The following ANGPT1 variants were observed in gnomAD, a reference collection of about 807,000 sequenced individuals.
ANGPT1 encodes angiopoietin-1.
ANGPT1 carries 17 observed loss-of-function variants against 62.2 expected under a neutral mutation model. That is an observed-to-expected ratio of 0.27 (90% CI 0.19 to 0.41). The LOEUF (loss-of-function observed/expected upper bound fraction) is 0.41. ANGPT1 is among the 10% of genes least tolerant of loss of function. The probability of loss-of-function intolerance (pLI) is 1.00; values close to 1 mark genes in which losing one functional copy is unlikely to be tolerated. For missense variants in ANGPT1, 478 were observed against 594.9 expected (o/e 0.80, Z 2.04); for synonymous variants, 199 against 198.9 (o/e 1.00, Z 0.00).
intron 7 of ANGPT1, among the ~76,000 whole-genome samples, chr8:107,268,869 T>C (rs753251682): frequency 2.6e-5 from 4 of 152,010 alleles, no homozygotes; most frequent in Non-Finnish European, 4.4e-5. Context: ...GGGACTGATA[T>C]ATTGAGGAAT....
intron 1 of ANGPT1, among the ~76,000 whole-genome samples, chr8:107,379,634 C>A (rs761983335): frequency 5.3e-5 from 8 of 151,934 alleles, no homozygotes; most frequent in Non-Finnish European, 1.2e-4. Context: ...CTACCTCTCC[C>A]ACACAAACGG....
intron 1 of ANGPT1, among the ~76,000 whole-genome samples, chr8:107,358,683 G>A (rs184332303): frequency 3.3e-5 from 5 of 152,212 alleles, no homozygotes; most frequent in South Asian, 2.1e-4. Flanking sequence ...ATCACCTCCC[G>A]GTGTTCCTCC....
intron 1 of ANGPT1, among the ~76,000 whole-genome samples, chr8:107,409,511 T>C (rs568890525): frequency 1.3e-5 from 2 of 152,234 alleles, no homozygotes; most frequent in South Asian, 2.1e-4. Flanking sequence ...CTCAAATCAG[T>C]TCAGCTTGAA....
chr8:107,304,005 A>G (rs182350712), intron 4 of ANGPT1, among the ~76,000 whole-genome samples: 10 of 151,904 alleles, frequency 6.6e-5, no homozygotes, highest in African/African-American at 2.2e-4. Context: ...ACTACCTACA[A>G]TGAAAATGAA....
chr8:107,366,202 C>T (rs1375704516), intron 1 of ANGPT1, among the ~76,000 whole-genome samples: 1 of 152,164 alleles, frequency 6.6e-6, no homozygotes, highest in African/African-American at 2.4e-5. Context: ...CTCAAACCAA[C>T]CATCAGAGAT....
intron 1 of ANGPT1, among the ~76,000 whole-genome samples, chr8:107,377,785 T>A (rs1247567082): frequency 6.6e-6 from 1 of 152,196 alleles, no homozygotes; most frequent in African/African-American, 2.4e-5. Flanking sequence ...AAGCTTTCAA[T>A]TACACAATCT....
At chr8:107,469,972 T>G (rs998926418) in intron 1 of ANGPT1, among the ~76,000 whole-genome samples, 1 of 152,060 alleles carries the variant, frequency 6.6e-6, no homozygotes, top group Non-Finnish European at 1.5e-5. Context: ...AGTGTTGCCT[T>G]TAACCACTCT....
chr8:107,444,721 T>C (rs1416770584), intron 1 of ANGPT1, among the ~76,000 whole-genome samples: 1 of 152,160 alleles, frequency 6.6e-6, no homozygotes, highest in Non-Finnish European at 1.5e-5. Context: ...TCAGTTTTAT[T>C]ACTTCACAAT....
Position 107,336,279 on chromosome 8 carries a change from TA to T in ANGPT1, c.454-9del. ...AGAAGTTTGATTTAGTACCTTAAGA[TA>T]AAAGATGAAAATATTTCAAACTTCA... is the stretch of plus-strand genomic sequence containing the variant. On this transcript the variant is annotated splice_polypyrimidine_tract_variant and intron_variant, in intron 2 of 8. Transcript: ENST00000517746. 1 of 1,579,154 alleles carries T rather than the reference TA, an allele frequency of 6.3e-7. No individual in the cohort carries two copies.
intron 1 of ANGPT1, among the ~76,000 whole-genome samples, chr8:107,371,520 A>C (rs2445364): frequency 0.49 from 73,532 of 150,788 alleles, 18,072 homozygotes; most frequent in East Asian, 0.53. Flanking sequence ...AAAGTTGGCA[A>C]AATTGGGCAC....
chr8:107,460,296 G>A (rs1193834485), intron 1 of ANGPT1, among the ~76,000 whole-genome samples: 2 of 152,136 alleles, frequency 1.3e-5, no homozygotes, highest in Non-Finnish European at 2.9e-5. Context: ...GTAGGGATCA[G>A]CTACAGGTGG....
intron 1 of ANGPT1, among the ~76,000 whole-genome samples, chr8:107,446,357 G>C (rs930242514): frequency 3.9e-5 from 6 of 152,192 alleles, no homozygotes; most frequent in Admixed American, 3.3e-4. Flanking sequence ...ATGTTAGTTT[G>C]AACTAGCCAT....
intron 1 of ANGPT1, among the ~76,000 whole-genome samples, chr8:107,456,689 C>T (rs1030018598): frequency 1.3e-5 from 2 of 151,968 alleles, no homozygotes; most frequent in Admixed American, 6.6e-5. Flanking sequence ...TGACCTTTTA[C>T]TTTAGTGGCA....
At chr8:107,447,117 C>G (rs1811644889) in intron 1 of ANGPT1, among the ~76,000 whole-genome samples, 1 of 152,166 alleles carries the variant, frequency 6.6e-6, no homozygotes, top group South Asian at 2.1e-4. Context: ...CTGCGACCAC[C>G]CTGGTCTGAG....
intron 4 of ANGPT1, among the ~76,000 whole-genome samples, chr8:107,312,076 A>C (rs1036481603): frequency 6.6e-6 from 1 of 152,010 alleles, no homozygotes; most frequent in African/African-American, 2.4e-5. Context: ...AAAAAAAAAA[A>C]AAAAAAGAAT....
At chr8:107,466,769 C>G (rs62514474) in intron 1 of ANGPT1, among the ~76,000 whole-genome samples, 7,998 of 151,908 alleles carry the variant, frequency 0.053, 239 homozygotes, top group South Asian at 0.11. Flanking sequence ...AAACCTAGCT[C>G]GGTGTGGTGG....
intron 4 of ANGPT1, among the ~76,000 whole-genome samples, chr8:107,311,996 G>A (rs1368998401): frequency 8.6e-5 from 13 of 151,236 alleles, no homozygotes; most frequent in African/African-American, 1.2e-4. Flanking sequence ...CCTGGGAGGC[G>A]GAGCTTGCAG....
intron 8 of ANGPT1, among the ~76,000 whole-genome samples, chr8:107,255,648 A>G (rs530712777): frequency 2.6e-5 from 4 of 152,354 alleles, no homozygotes; most frequent in Admixed American, 1.3e-4. Context: ...GGCAAGTACC[A>G]TAATAAAGAT....
intron 7 of ANGPT1, among the ~76,000 whole-genome samples, chr8:107,266,957 C>G (rs1430300935): frequency 6.6e-6 from 1 of 151,966 alleles, no homozygotes; most frequent in Non-Finnish European, 1.5e-5. Flanking sequence ...AAATAAAAAT[C>G]AACCCAAATC....
Sources: gnomAD v4.1 joint callset for allele counts (sites outside exome capture counted in the v4.1 genomes callset) on GRCh38, gnomAD v4.1.1 for gene constraint, MANE v1.5 for transcripts, NCBI Gene and HGNC (gene_info 2026-07-23, HGNC 2026-07-21) for gene names.